The following KDM2B variants were observed in gnomAD, a reference collection of about 807,000 sequenced individuals.
KDM2B encodes the protein lysine demethylase 2B, also known as lysine-specific demethylase 2B.
KDM2B carries 26 observed loss-of-function variants against 150.0 expected under a neutral mutation model. The ratio of observed to expected loss-of-function variants is 0.17; its 90% CI spans 0.13 to 0.24. KDM2B has a LOEUF of 0.24. Ranked by LOEUF, KDM2B falls within the 10% of genes least tolerant of loss-of-function variation. The pLI, the probability that KDM2B is intolerant of heterozygous loss-of-function variation, is 1.00. For synonymous variants in KDM2B, 734 were observed against 729.5 expected (o/e 1.01, Z -0.10); for missense variants, 1,265 against 1,816.9 (o/e 0.70, Z 5.52).
At chr12:121,582,049 T>C (rs544961029), upstream of KDM2B, among the ~76,000 whole-genome samples, 19 of 152,362 alleles carry the variant, frequency 1.2e-4, no homozygotes, top group South Asian at 2.5e-3. Context: ...ATCGCCCACG[T>C]TGGCTGCTGC....
At chr12:121,485,526 T>A (rs1339065344) in intron 12 of KDM2B, among the ~76,000 whole-genome samples, 1 of 152,068 alleles carries the variant, frequency 6.6e-6, no homozygotes, top group African/African-American at 2.4e-5. Context: ...TTATGAGACC[T>A]TCAGCAATAG....
chr12:121,416,238 A>G, the KDM2B span: 1 of 1,614,136 alleles, frequency 6.2e-7, no homozygotes, highest in South Asian at 1.1e-5. Flanking sequence ...AGGGGCCAGC[A>G]GTCAGCATTT....
chr12:121,493,228 C>CA (rs1176729437), intron 12 of KDM2B, among the ~76,000 whole-genome samples: 46 of 150,484 alleles, frequency 3.1e-4, no homozygotes, highest in East Asian at 2.5e-3. Flanking sequence ...TTACAATAGC[C>CA]AAAAAAAACC....
In KDM2B at chr12:121,517,469, T is replaced by G. The variant is rs782568685; in HGVS notation, c.1047+3516A>C. On this transcript the variant is annotated intron_variant, in intron 9 of 22. Transcript: ENST00000377071. The stretch of plus-strand genomic sequence containing the variant: ...GGCCACAAAGGCAAATTCTTTTTCT[T>G]TTCTTTTTTTTTTTTTTGAGATGGA... Among the ~76,000 whole-genome samples, 6 of 143,512 alleles carry G rather than the reference T, an allele frequency of 4.2e-5. No homozygotes were observed. The Middle Eastern group carries it at 0.01, about 249-fold the overall frequency. The allele number at this position is 143,512 out of a possible 152,430, so 94.1% of individuals were successfully genotyped here.
downstream of KDM2B, among the ~76,000 whole-genome samples, chr12:121,424,862 C>T (rs1358059643): frequency 6.6e-6 from 1 of 152,182 alleles, no homozygotes; most frequent in African/African-American, 2.4e-5. Context: ...CTCTGCAGTC[C>T]TCAAAGCAAC....
chr12:121,575,971 G>C lies in KDM2B; in HGVS notation c.272-112C>G, dbSNP rs570750522. 1 of 763,088 alleles carries C rather than the reference G, an allele frequency of 1.3e-6. No individual in the cohort carries two copies. The highest frequency in any genetic ancestry group is 2.3e-6 in the Non-Finnish European group (1 of 427,404). The allele number at this position is 763,088 out of a possible 1,614,324, so 47.3% of individuals were successfully genotyped here. ...ATGGACGAAGGGGCAGGGGGTCCAGGAGATGCAGGCACCAGCTGTACAGCA... is the reference window on the plus strand; with the variant it reads ...ATGGACGAAGGGGCAGGGGGTCCAGCAGATGCAGGCACCAGCTGTACAGCA... On this transcript the variant is annotated intron_variant, in intron 2 of 22. Coordinates refer to ENST00000377071, the MANE Select transcript of KDM2B (RefSeq NM_032590.5). This position sits in a 1 kb window ranked among gnomAD's most constrained non-coding sequence, Gnocchi z 4.4.
chr12:121,460,398 C>T (rs1248986887), intron 12 of KDM2B, among the ~76,000 whole-genome samples: 3 of 152,208 alleles, frequency 2.0e-5, no homozygotes, highest in African/African-American at 7.2e-5. Context: ...CCCTGCACTC[C>T]AGTGGCAGAG....
chr12:121,426,026 C>T (rs1186533663), downstream of KDM2B, among the ~76,000 whole-genome samples: 1 of 152,110 alleles, frequency 6.6e-6, no homozygotes, highest in Non-Finnish European at 1.5e-5. Flanking sequence ...CTCTTCCTCC[C>T]AAAGTAATCT....
At position 121,441,072 on chromosome 12, in the gene KDM2B, G is replaced by A. The variant is rs1555288085; in HGVS notation, c.3446C>T (p.Pro1149Leu). ...GGGGCCACTGGCCCAGGGCTCACCA[G>A]GCAGCCGGTTGATGAGCCAGCTCAG... Reference protein sequence around the residue: ...KQLSWLINRLPGLRDLVLSGC... With the variant: ...KQLSWLINRLLGLRDLVLSGC... Residue 1149 changes from proline (P) to leucine (L), a missense_variant and splice_region_variant, in exon 20 of 23, where the codon CCT becomes CTT. Transcript: ENST00000377071. The A allele has an allele frequency of 6.2e-7, 1 of 1,614,134 alleles. No individual in the cohort carries two copies. Among genetic ancestry groups the A allele is most frequent in the South Asian group, 1.1e-5 (1 of 91,074 alleles).
At chr12:121,550,782 C>A (rs544301665) in intron 4 of KDM2B, among the ~76,000 whole-genome samples, 2 of 152,254 alleles carry the variant, frequency 1.3e-5, no homozygotes, top group South Asian at 4.2e-4. Flanking sequence ...GCATGAGCCA[C>A]CGCAACTGGC....
chr12:121,547,645 CTTTTT>C (rs55686141), intron 6 of KDM2B, among the ~76,000 whole-genome samples: 6 of 80,264 alleles, frequency 7.5e-5, no homozygotes, highest in Admixed American at 1.4e-4. Flanking sequence ...CTTCCCCTTC[CTTTTT>C]TTTTTTTTTT....
In KDM2B at chr12:121,575,865, T is replaced by C; in HGVS notation, c.272-6A>G. On this transcript the variant is annotated splice_polypyrimidine_tract_variant and splice_region_variant and intron_variant, in intron 2 of 22. Transcript: ENST00000377071. This position sits in a 1 kb window ranked among gnomAD's most constrained non-coding sequence, Gnocchi z 4.4. The stretch of plus-strand genomic sequence containing the variant: ...TACGTACTCATAGTTGAAATCTGTT[T>C]GGATATTTGAATTAAAACAAGTTGG... The C allele has an allele frequency of 6.2e-7, 1 of 1,608,094 alleles. No individual in the cohort carries two copies. Among genetic ancestry groups the C allele is most frequent in the Non-Finnish European group, 8.5e-7 (1 of 1,174,508 alleles).
At chr12:121,478,646 A>T (rs1292729989) in intron 12 of KDM2B, among the ~76,000 whole-genome samples, 4 of 151,504 alleles carry the variant, frequency 2.6e-5, no homozygotes, top group African/African-American at 9.7e-5. Context: ...GGCGTGAGCC[A>T]CTGCGCCCAG....
chr12:121,448,223 G>T (rs1440054672), intron 13 of KDM2B, among the ~76,000 whole-genome samples: 1 of 149,810 alleles, frequency 6.7e-6, no homozygotes, highest in Non-Finnish European at 1.5e-5. Flanking sequence ...GGGAGACTGA[G>T]GTGGGAGGAC....
In KDM2B at chr12:121,453,093, G is replaced by C; in HGVS notation, c.1959+27C>G. 6.4e-7 allele frequency: 1 copy of C among 1,572,946 alleles called. No homozygotes were observed. Among genetic ancestry groups the C allele is most frequent in the South Asian group, 1.2e-5 (1 of 86,922 alleles). ...CGGCACGCAGGGGCCTGAATCGAGC[G>C]CAGGGCTGGGCGGGGGCCGCACTCA... On this transcript the variant is annotated intron_variant, in intron 13 of 22. Transcript: ENST00000377071. The surrounding 1 kb of genome is among the most constrained non-coding windows in gnomAD (Gnocchi z 6.4).
chr12:121,557,762 A>G (rs1450681979), intron 4 of KDM2B, among the ~76,000 whole-genome samples: 7 of 152,194 alleles, frequency 4.6e-5, no homozygotes, highest in Admixed American at 2.0e-4. Flanking sequence ...CAGAAGTGTG[A>G]GAGAATAAAC....
Position 121,442,575 on chromosome 12 carries a change from G to T in KDM2B, c.2866C>A (p.His956Asn). ...LSRELSKELN[H>N]EIQRTENSLA... ...CTGTTCTCCGTCCTCTGGATCTCGT[G>T]GTTGAGCTCCTTGCTCAGCTCCCTG... The change falls in exon 19 of 23, where the codon CAC (histidine) becomes AAC (asparagine). Residue 956 changes from histidine (H) to asparagine (N), a missense_variant. His to Asn is a moderately conservative substitution (Grantham distance 68). Transcript: ENST00000377071. The surrounding 1 kb of genome is among the most constrained non-coding windows in gnomAD (Gnocchi z 7.7). The T allele has an allele frequency of 6.2e-7, 1 of 1,601,140 alleles. No homozygotes were observed. The highest frequency in any genetic ancestry group is 1.1e-5 in the South Asian group (1 of 91,072).
chr12:121,490,578 A>G (rs1883240708), intron 12 of KDM2B, among the ~76,000 whole-genome samples: 1 of 152,208 alleles, frequency 6.6e-6, no homozygotes. Context: ...CCGAGGTCAG[A>G]GGCTGGGCCT....
chr12:121,581,639 A>C (rs1422557236), upstream of KDM2B, among the ~76,000 whole-genome samples: 1 of 152,244 alleles, frequency 6.6e-6, no homozygotes, highest in Admixed American at 6.5e-5. Context: ...GACATTGTAG[A>C]TAGCAGGCTT....
Sources: allele counts gnomAD v4.1 joint callset (sites outside exome capture counted in the v4.1 genomes callset), GRCh38; gene constraint gnomAD v4.1.1; non-coding constraint Gnocchi (gnomAD v3.1); transcripts MANE v1.5; gene names NCBI Gene and HGNC (gene_info 2026-07-23, HGNC 2026-07-21).